Variants in HAO1 observed in about 807,000 individuals in gnomAD.
The protein encoded by HAO1 is hydroxyacid oxidase 1, also known as 2-Hydroxyacid oxidase 1.
HAO1 carries 34 observed loss-of-function variants against 39.7 expected under a neutral mutation model. The ratio of observed to expected loss-of-function variants is 0.86; its 90% CI spans 0.65 to 1.14. The LOEUF is 1.14. Ranked by LOEUF, HAO1 falls within the 50% of genes most tolerant of loss-of-function variation. The pLI is 0.00. For missense variants in HAO1, 479 were observed against 464.5 expected, an observed-to-expected ratio of 1.03 and a Z score of -0.29; for synonymous variants, 172 against 173.2, an observed-to-expected ratio of 0.99 and a Z score of 0.05.
chr20:7,885,953 A>G, intron 5 of HAO1, 89 bp from the exon 6 acceptor site: 1 of 1,081,718 alleles, frequency 9.2e-7, no homozygotes, highest in Non-Finnish European at 1.4e-6. Flanking sequence ...ACATCCAGCT[A>G]GGGCTTAGAG....
At position 7,883,662 on chromosome 20, in the gene HAO1, C is replaced by A. The variant is rs753536886; in HGVS notation, c.1044G>T (p.Gly348=). ...TGTCGATGACTTTCACATTCTGGCA[C>A]CCTGAAAAAATAATGCATACATTTA... The part of the protein sequence containing the change: ...EEFRLAMALS[G]CQNVKVIDKT... The change falls in exon 8 of 8, where the codon GGG becomes GGT. Residue 348 remains glycine, a splice_region_variant and synonymous_variant. Coordinates refer to ENST00000378789, the MANE Select transcript of HAO1 (RefSeq NM_017545.3). 3 of 1,607,944 alleles carry A rather than the reference C, an allele frequency of 1.9e-6. No homozygotes were observed. Among genetic ancestry groups the A allele is most frequent in the Non-Finnish European group, 2.6e-6 (3 of 1,174,540 alleles).
chr20:7,894,304 T>G (rs1253160635), intron 5 of HAO1, among the ~76,000 whole-genome samples: 1 of 152,180 alleles, frequency 6.6e-6, no homozygotes, highest in African/African-American at 2.4e-5. Flanking sequence ...GTCTAATTGC[T>G]CTTCGATACA....
chr20:7,912,777 A>T (rs1354489437), intron 3 of HAO1, among the ~76,000 whole-genome samples: 1 of 152,184 alleles, frequency 6.6e-6, no homozygotes, highest in South Asian at 2.1e-4. Context: ...TTTATTGGCC[A>T]GTTTGGCAGG....
chr20:7,901,996 A>T (rs114313141), intron 4 of HAO1, among the ~76,000 whole-genome samples: 5,022 of 152,330 alleles, frequency 0.033, 260 homozygotes, highest in African/African-American at 0.11. Flanking sequence ...AGCTGTGACT[A>T]AATTGCTGCA....
At chr20:7,885,888 T>A (rs781491473) in intron 5 of HAO1, 24 bp from the exon 6 acceptor site, 1 of 1,598,204 alleles carries the variant, frequency 6.3e-7, no homozygotes, top group South Asian at 1.1e-5. Flanking sequence ...AGTTCAATAA[T>A]GTGACTCTAT....
intron 4 of HAO1, among the ~76,000 whole-genome samples, chr20:7,904,522 T>C (rs1187946835): frequency 1.3e-5 from 2 of 152,252 alleles, no homozygotes; most frequent in Non-Finnish European, 2.9e-5. Flanking sequence ...ATTGGCTTGA[T>C]ATCATGGCAA....
At chr20:7,890,716 A>G (rs147685447) in intron 5 of HAO1, among the ~76,000 whole-genome samples, 32 of 152,026 alleles carry the variant, frequency 2.1e-4, no homozygotes, top group African/African-American at 7.0e-4. Flanking sequence ...CTTTCCCCCA[A>G]GTCCCCAATG....
chr20:7,935,079 A>C (rs1252463232), intron 1 of HAO1, among the ~76,000 whole-genome samples: 1 of 152,216 alleles, frequency 6.6e-6, no homozygotes, highest in Admixed American at 6.5e-5. Context: ...TTGCTTTGCA[A>C]GAATATCATG....
chr20:7,932,090 C>T (rs1315133325), intron 2 of HAO1, among the ~76,000 whole-genome samples: 1 of 152,120 alleles, frequency 6.6e-6, no homozygotes, highest in African/African-American at 2.4e-5. Context: ...GGTGAGTTCT[C>T]ATGAGATCAG....
chr20:7,935,663 T>A lies in HAO1; in HGVS notation c.138-1028A>T, dbSNP rs185768901. On this transcript the variant is annotated intron_variant, in intron 1 of 7. Transcript: ENST00000378789. Reference sequence around the variant, plus strand: ...TTTGACTCCGGAAAATTATTTTAAATGAATGTTTCTGTGATTCTTCTGTGT... The same window carrying A: ...TTTGACTCCGGAAAATTATTTTAAAAGAATGTTTCTGTGATTCTTCTGTGT... Among the ~76,000 whole-genome samples, 267 of 152,332 alleles carry A rather than the reference T, an allele frequency of 1.8e-3. 1 individual carries two copies. Among genetic ancestry groups the A allele is most frequent in the African/African-American group, 6.2e-3 (256 of 41,594 alleles).
intron 2 of HAO1, among the ~76,000 whole-genome samples, chr20:7,932,140 C>G (rs2050388518): frequency 6.6e-6 from 1 of 152,162 alleles, no homozygotes; most frequent in Admixed American, 6.5e-5. Flanking sequence ...GCTTGCACTT[C>G]TCTCTCCTGC....
intron 2 of HAO1, among the ~76,000 whole-genome samples, chr20:7,929,023 A>T (rs571951354): frequency 1.3e-5 from 2 of 151,990 alleles, no homozygotes; most frequent in East Asian, 3.9e-4. Context: ...GCAATCTCAG[A>T]CTCACTGCAG....
At chr20:7,908,115 C>T (rs1198747117) in intron 3 of HAO1, among the ~76,000 whole-genome samples, 6 of 152,038 alleles carry the variant, frequency 3.9e-5, no homozygotes, top group African/African-American at 1.2e-4. Flanking sequence ...ATCGGCTGGG[C>T]GCAATGGCTC....
chr20:7,924,227 T>TTGTTGTTGC, intron 2 of HAO1, among the ~76,000 whole-genome samples: 1 of 141,750 alleles, frequency 7.1e-6, no homozygotes, highest in East Asian at 2.2e-4. Flanking sequence ...GTTGTTGTTG[T>TTGTTGTTGC]TTGTTTGTTT....
At chr20:7,884,210 A>T (rs554359408) in intron 7 of HAO1, among the ~76,000 whole-genome samples, 1 of 152,294 alleles carries the variant, frequency 6.6e-6, no homozygotes, top group South Asian at 2.1e-4. Flanking sequence ...ATGTGTATTT[A>T]TTTATTTATT....
At chr20:7,909,379 GTATATATA>G (rs869068490) in intron 3 of HAO1, among the ~76,000 whole-genome samples, 2 of 108,218 alleles carry the variant, frequency 1.8e-5, no homozygotes, top group African/African-American at 8.8e-5. Context: ...ATATATATAT[GTATATATA>G]TATATATATA....
At chr20:7,914,116 G>A in intron 3 of HAO1, 48 bp downstream of exon 3, 3 of 1,605,264 alleles carry the variant, frequency 1.9e-6, no homozygotes, top group Non-Finnish European at 2.6e-6. Flanking sequence ...AACATTCCCA[G>A]TCAAGATCCC....
chr20:7,914,103 C>G (rs2050294271), intron 3 of HAO1, 61 bp downstream of exon 3: 1 of 1,587,842 alleles, frequency 6.3e-7, no homozygotes, highest in South Asian at 1.1e-5. Flanking sequence ...GAACCCAGAC[C>G]CTAACATTCC....
intron 2 of HAO1, among the ~76,000 whole-genome samples, chr20:7,933,286 C>T (rs1236086891): frequency 6.6e-6 from 1 of 151,948 alleles, no homozygotes; most frequent in Non-Finnish European, 1.5e-5. Flanking sequence ...TTACCATTTA[C>T]TTTTTATTTT....
Sources: gnomAD v4.1 joint callset for allele counts (sites outside exome capture counted in the v4.1 genomes callset) on GRCh38, gnomAD v4.1.1 for gene constraint, MANE v1.5 for transcripts, NCBI Gene and HGNC (gene_info 2026-07-23, HGNC 2026-07-21) for gene names.